The following DSCAM variants were observed in gnomAD, a reference collection of about 807,000 sequenced individuals.
The protein encoded by DSCAM is cell adhesion molecule DSCAM.
Under a neutral mutation model 217.7 loss-of-function variants are expected in DSCAM, and 47 were observed. The ratio of observed to expected loss-of-function variants is 0.22; its 90% CI spans 0.17 to 0.28. The LOEUF (loss-of-function observed/expected upper bound fraction) is 0.28, where lower values mean the gene tolerates loss of function less well. Among genes scored for constraint, DSCAM ranks in the 10% least tolerant of loss-of-function variants. The pLI is 1.00. For missense variants in DSCAM, 2,080 were observed against 2,618.3 expected, an observed-to-expected ratio of 0.79 and a Z score of 4.49; for synonymous variants, 1,056 against 1,015.3, an observed-to-expected ratio of 1.04 and a Z score of -0.76.
rs116871719 is a variant in DSCAM at position 40,390,793 on chromosome 21, C to T, written c.509-21548G>A. Among the ~76,000 whole-genome samples, 26 of 152,314 alleles carry T rather than the reference C, an allele frequency of 1.7e-4. No homozygotes were observed. In the East Asian group the frequency reaches 4.8e-3, roughly 28 times the overall value. On this transcript the variant is annotated intron_variant, in intron 3 of 32. Transcript: ENST00000400454. ...AGTCATGTTGGATTAAGGGCCCATC[C>T]TACTCCAATACAACTTCATCTTAAC...
At chr21:40,813,114 G>C (rs1196784961) in intron 1 of DSCAM, among the ~76,000 whole-genome samples, 1 of 152,162 alleles carries the variant, frequency 6.6e-6, no homozygotes, top group Non-Finnish European at 1.5e-5. Flanking sequence ...AATACAAAAA[G>C]CTCATGCGCA....
intron 32 of DSCAM, among the ~76,000 whole-genome samples, chr21:40,030,149 ACTGCT>A (rs1277202018): frequency 2.0e-5 from 3 of 152,184 alleles, no homozygotes; most frequent in Non-Finnish European, 4.4e-5. Flanking sequence ...TTCTCACTGC[ACTGCT>A]CTGCGTTCCA....
intron 3 of DSCAM, among the ~76,000 whole-genome samples, chr21:40,659,385 CTATCTATCA>C (rs1568968243): frequency 1.1e-3 from 148 of 137,650 alleles, no homozygotes; most frequent in African/African-American, 3.5e-3. Flanking sequence ...ATCTATCTAT[CTATCTATCA>C]TCTCTCTCAT....
chr21:40,222,503 A>G (rs1261440705), intron 11 of DSCAM, among the ~76,000 whole-genome samples: 1 of 152,228 alleles, frequency 6.6e-6, no homozygotes, highest in East Asian at 1.9e-4. Flanking sequence ...TGATCTGAAA[A>G]TGCTATTAAG....
At chr21:40,817,509 A>C (rs929039784) in intron 1 of DSCAM, among the ~76,000 whole-genome samples, 1 of 152,154 alleles carries the variant, frequency 6.6e-6, no homozygotes, top group African/African-American at 2.4e-5. Context: ...TGTGCAGGAG[A>C]GCGCCCTGTT....
At chr21:40,102,557 C>T (rs749966191) in intron 20 of DSCAM, among the ~76,000 whole-genome samples, 21 of 152,138 alleles carry the variant, frequency 1.4e-4, no homozygotes, top group Non-Finnish European at 2.6e-4. Flanking sequence ...CTGGGAACAG[C>T]GTCTTCTAGA....
At chr21:40,352,245 A>G (rs565446904) in intron 5 of DSCAM, among the ~76,000 whole-genome samples, 1 of 152,312 alleles carries the variant, frequency 6.6e-6, no homozygotes, top group South Asian at 2.1e-4. Flanking sequence ...ACTTTATTCA[A>G]TGGAGAACAG....
At chr21:40,335,768 C>G (rs751615912) in intron 8 of DSCAM, among the ~76,000 whole-genome samples, 16 of 152,118 alleles carry the variant, frequency 1.1e-4, no homozygotes, top group Non-Finnish European at 2.2e-4. Context: ...CTGTAGGGAT[C>G]CCTGAGACAA....
chr21:40,564,328 A>G (rs1462733452), intron 3 of DSCAM, among the ~76,000 whole-genome samples: 1 of 152,166 alleles, frequency 6.6e-6, no homozygotes, highest in East Asian at 1.9e-4. Flanking sequence ...AATGAAAACA[A>G]TGGTACGTTT....
chr21:40,297,237 T>C (rs968868108), intron 9 of DSCAM, among the ~76,000 whole-genome samples: 3 of 152,210 alleles, frequency 2.0e-5, no homozygotes, highest in African/African-American at 4.8e-5. Flanking sequence ...ATAAACATGA[T>C]TTCACTTAAA....
intron 3 of DSCAM, among the ~76,000 whole-genome samples, chr21:40,511,323 C>G (rs1409507321): frequency 6.6e-6 from 1 of 152,090 alleles, no homozygotes; most frequent in Admixed American, 6.5e-5. Context: ...AATATATTCA[C>G]ATATAGATAA....
intron 16 of DSCAM, among the ~76,000 whole-genome samples, chr21:40,151,527 C>T (rs1212967666): frequency 2.6e-5 from 4 of 152,170 alleles, no homozygotes; most frequent in African/African-American, 9.7e-5. Flanking sequence ...TGTGGATGTT[C>T]TCAGAAGATA....
chr21:40,369,134 G>A lies in DSCAM; in HGVS notation c.620C>T (p.Thr207Met), dbSNP rs747625181. ...CITRHRYTGE[T>M]RQSNSARLFV... Reference sequence around the variant, plus strand: ...AAGTCTGGCGCTGTTGCTCTGCCTCGTCTCTCCGGTGTATCGATGCCGCGT... The same window carrying A: ...AAGTCTGGCGCTGTTGCTCTGCCTCATCTCTCCGGTGTATCGATGCCGCGT... The change falls in exon 4 of 33, where the codon ACG (threonine) becomes ATG (methionine). Residue 207 changes from threonine (T) to methionine (M), a missense_variant. By Grantham distance (81) the Thr-to-Met change is moderately conservative. Around this residue, in one of 5 missense-constraint regions of DSCAM, gnomAD observed 568 missense variants for 678.1 expected, o/e 0.84. Transcript: ENST00000400454. 25 of 1,612,102 alleles carry A rather than the reference G, an allele frequency of 1.6e-5. No individual in the cohort carries two copies. In the African/African-American group the frequency reaches 2.1e-4, roughly 14 times the overall value.
chr21:40,407,206 A>C, intron 3 of DSCAM, among the ~76,000 whole-genome samples: 1 of 152,248 alleles, frequency 6.6e-6, no homozygotes, highest in East Asian at 1.9e-4. Flanking sequence ...AATTTAGCTC[A>C]GTTAGAATAA....
chr21:40,058,741 G>T (rs1401403762), intron 28 of DSCAM, among the ~76,000 whole-genome samples: 1 of 152,140 alleles, frequency 6.6e-6, no homozygotes. Context: ...ATCACTCTGT[G>T]TTCTGTTAAC....
chr21:40,177,156 G>C (rs1023449826), intron 15 of DSCAM, among the ~76,000 whole-genome samples: 1 of 152,234 alleles, frequency 6.6e-6, no homozygotes, highest in Admixed American at 6.5e-5. Flanking sequence ...TGAAATCTCA[G>C]GGATCTGAGG....
At chr21:40,425,801 T>G (rs2075468983) in intron 3 of DSCAM, among the ~76,000 whole-genome samples, 1 of 152,110 alleles carries the variant, frequency 6.6e-6, no homozygotes, top group Admixed American at 6.5e-5. Context: ...CTAATCCACC[T>G]TCAGCATGTA....
At chr21:40,506,366 A>T (rs936775711) in intron 3 of DSCAM, among the ~76,000 whole-genome samples, 1 of 152,212 alleles carries the variant, frequency 6.6e-6, no homozygotes, top group Non-Finnish European at 1.5e-5. Context: ...TCCATGATGA[A>T]CATGAAAAAT....
intron 32 of DSCAM, among the ~76,000 whole-genome samples, chr21:40,028,447 C>A (rs550099218): frequency 4.0e-5 from 6 of 151,878 alleles, no homozygotes; most frequent in East Asian, 1.9e-4. Flanking sequence ...CCTCCCCCAG[C>A]CTGGCTGCCA....
Sources: gnomAD v4.1 joint callset for allele counts (sites outside exome capture counted in the v4.1 genomes callset) on GRCh38, gnomAD v4.1.1 for gene constraint, gnomAD v4.1.1 regional missense constraint, MANE v1.5 for transcripts, NCBI Gene and HGNC (gene_info 2026-07-23, HGNC 2026-07-21) for gene names.